The following KCMF1 variants were observed in gnomAD, a reference collection of about 807,000 sequenced individuals.
The protein encoded by KCMF1 is E3 ubiquitin-protein ligase KCMF1.
A neutral mutation model predicts 41.1 loss-of-function variants in KCMF1; 3 were observed. The ratio of observed to expected loss-of-function variants is 0.07; its 90% confidence interval spans 0.03 to 0.19. The LOEUF (loss-of-function observed/expected upper bound fraction) is 0.19. Ranked by LOEUF, KCMF1 falls within the 10% of genes least tolerant of loss-of-function variation. The probability of loss-of-function intolerance (pLI) is 1.00; values close to 1 mark genes in which losing one functional copy is unlikely to be tolerated. For synonymous variants in KCMF1, 142 were observed against 164.5 expected (o/e 0.86, Z 1.04); for missense variants, 286 against 488.9 (o/e 0.58, Z 3.91).
chr2:84,998,403 A>G (rs991537174), intron 1 of KCMF1, among the ~76,000 whole-genome samples: 2 of 152,104 alleles, frequency 1.3e-5, no homozygotes, highest in African/African-American at 4.8e-5. Flanking sequence ...CCTATAATAC[A>G]TATTTATAGC....
intron 1 of KCMF1, among the ~76,000 whole-genome samples, chr2:85,015,526 G>C (rs898620565): frequency 6.6e-6 from 1 of 152,150 alleles, no homozygotes; most frequent in Non-Finnish European, 1.5e-5. Flanking sequence ...GCATTTCTAT[G>C]AACAAATAAA....
At chr2:85,013,172 C>G (rs893095842) in intron 1 of KCMF1, among the ~76,000 whole-genome samples, 2 of 152,150 alleles carry the variant, frequency 1.3e-5, no homozygotes, top group Non-Finnish European at 2.9e-5. Context: ...TGCTTATTTA[C>G]TTATCCTTAT....
chr2:84,982,587 C>T (rs559157014), intron 1 of KCMF1, among the ~76,000 whole-genome samples: 5 of 151,618 alleles, frequency 3.3e-5, no homozygotes, highest in African/African-American at 7.3e-5. Context: ...TTAGTAGAGA[C>T]GGGGTTTCGC....
At chr2:84,988,086 G>T (rs952734775) in intron 1 of KCMF1, among the ~76,000 whole-genome samples, 2 of 152,124 alleles carry the variant, frequency 1.3e-5, no homozygotes, top group African/African-American at 4.8e-5. Context: ...TACAAAATTA[G>T]GCGGGTGTGA....
intron 1 of KCMF1, among the ~76,000 whole-genome samples, chr2:84,999,614 A>G (rs969691897): frequency 6.6e-6 from 1 of 152,226 alleles, no homozygotes; most frequent in African/African-American, 2.4e-5. Context: ...ATAAGATCAG[A>G]AGAACTTTCA....
At chr2:84,977,372 T>C (rs1488899852) in intron 1 of KCMF1, among the ~76,000 whole-genome samples, 1 of 152,216 alleles carries the variant, frequency 6.6e-6, no homozygotes, top group Non-Finnish European at 1.5e-5. Flanking sequence ...CAGGTCTTCT[T>C]ACAACTTATT....
rs544067693 is a variant in KCMF1, at chr2:85,027,930, C to T, written c.58C>T (p.Arg20Cys). 4.3e-6 allele frequency: 7 copies of T among 1,609,314 alleles called. No homozygotes were observed. The highest frequency in any genetic ancestry group is 2.2e-5 in the East Asian group (1 of 44,854). The change falls in exon 2 of 7, where the codon CGC becomes TGC. Residue 20 changes from arginine to cysteine, a missense_variant. Physicochemically the swap from Arg to Cys is radical, Grantham distance 180. Transcript: ENST00000409785. Reference sequence around the variant, plus strand: ...ATGTTTAAAAGGAAATTTTCGAGGTCGCAGATATAAGTGTTTAATTTGCTA... The same window carrying T: ...ATGTTTAAAAGGAAATTTTCGAGGTTGCAGATATAAGTGTTTAATTTGCTA... Reference protein sequence around the residue: ...DACLKGNFRGRRYKCLICYDY... With the variant: ...DACLKGNFRGCRYKCLICYDY...
At chr2:85,017,365 T>A (rs1185879863) in intron 1 of KCMF1, among the ~76,000 whole-genome samples, 1 of 152,228 alleles carries the variant, frequency 6.6e-6, no homozygotes, top group Non-Finnish European at 1.5e-5. Flanking sequence ...ATTTTTCAAC[T>A]GCTTAAATGC....
chr2:85,008,247 G>A (rs919168198), intron 1 of KCMF1, among the ~76,000 whole-genome samples: 10 of 78,078 alleles, frequency 1.3e-4, no homozygotes, highest in African/African-American at 4.0e-4. Context: ...TATTATATAT[G>A]ATATATATTA....
At chr2:85,043,034 T>C (rs187589453) in intron 3 of KCMF1, among the ~76,000 whole-genome samples, 2 of 152,370 alleles carry the variant, frequency 1.3e-5, no homozygotes, top group African/African-American at 4.8e-5. Flanking sequence ...CCCTTGGAAG[T>C]CACATTCATA....
intron 1 of KCMF1, among the ~76,000 whole-genome samples, chr2:84,996,195 A>C (rs1674171708): frequency 6.6e-6 from 1 of 152,176 alleles, no homozygotes; most frequent in Non-Finnish European, 1.5e-5. Context: ...GACATTTGAC[A>C]GTTATGTGAA....
intron 1 of KCMF1, among the ~76,000 whole-genome samples, chr2:84,992,108 G>A (rs1367270564): frequency 6.6e-6 from 1 of 152,190 alleles, no homozygotes. Flanking sequence ...GTCACTTACT[G>A]TGACCTTGGG....
chr2:85,026,493 T>C (rs1222553159), intron 1 of KCMF1, among the ~76,000 whole-genome samples: 2 of 141,180 alleles, frequency 1.4e-5, no homozygotes, highest in African/African-American at 5.3e-5. Flanking sequence ...ATTATTATTA[T>C]TATTTTTATT....
intron 1 of KCMF1, among the ~76,000 whole-genome samples, chr2:85,007,016 G>A (rs181922432): frequency 8.7e-5 from 13 of 149,804 alleles, no homozygotes; most frequent in East Asian, 6.0e-4. Flanking sequence ...CAGGAGAATC[G>A]CTTGGACCCG....
At chr2:85,034,954 G>T (rs1451146817) in intron 2 of KCMF1, 62 bp from the exon 3 acceptor site, 1 of 1,391,028 alleles carries the variant, frequency 7.2e-7, no homozygotes, top group Non-Finnish European at 1.0e-6. Flanking sequence ...TGTATCGTAC[G>T]ATTACATTTT....
intron 1 of KCMF1, among the ~76,000 whole-genome samples, chr2:85,008,012 C>T (rs1674514068): frequency 6.6e-6 from 1 of 151,952 alleles, no homozygotes; most frequent in Admixed American, 6.6e-5. Flanking sequence ...ATCCACCCAT[C>T]TTGACCTCCC....
chr2:84,981,818 G>A (rs72928867), intron 1 of KCMF1, among the ~76,000 whole-genome samples: 3,650 of 151,918 alleles, frequency 0.024, 147 homozygotes, highest in African/African-American at 0.083. Context: ...TGGTTCTGTC[G>A]GCCAGGCTGG....
At chr2:85,009,048 T>A (rs1274212806) in intron 1 of KCMF1, among the ~76,000 whole-genome samples, 3 of 152,088 alleles carry the variant, frequency 2.0e-5, no homozygotes, top group Non-Finnish European at 4.4e-5. Flanking sequence ...TACTTTTGTA[T>A]GTATATGTTA....
At chr2:85,020,384 A>T (rs890926861) in intron 1 of KCMF1, among the ~76,000 whole-genome samples, 1 of 152,138 alleles carries the variant, frequency 6.6e-6, no homozygotes, top group Non-Finnish European at 1.5e-5. Flanking sequence ...CCCATTGATT[A>T]ATTCAGTGTT....
Sources: gnomAD v4.1 joint callset for allele counts (sites outside exome capture counted in the v4.1 genomes callset) on GRCh38, gnomAD v4.1.1 for gene constraint, MANE v1.5 for transcripts, NCBI Gene and HGNC (gene_info 2026-07-23, HGNC 2026-07-21) for gene names.